KCNAB1: variants seen among roughly 807,000 people sequenced by gnomAD.
The protein encoded by KCNAB1 is potassium voltage-gated channel subfamily A regulatory beta subunit 1.
Under a neutral mutation model 64.6 loss-of-function variants are expected in KCNAB1, and 35 were observed. The observed-to-expected ratio is 0.54, with a 90% CI of 0.41 to 0.72. KCNAB1 has a LOEUF of 0.72. Among genes scored for constraint, KCNAB1 ranks in the 30% least tolerant of loss-of-function variants. The pLI is 0.00. For missense variants in KCNAB1, 401 were observed against 512.9 expected (o/e 0.78, Z 2.11); for synonymous variants, 177 against 183.8 (o/e 0.96, Z 0.30).
chr3:156,390,084 C>T (rs1712918494), intron 1 of KCNAB1, among the ~76,000 whole-genome samples: 1 of 152,208 alleles, frequency 6.6e-6, no homozygotes, highest in Admixed American at 6.5e-5. Flanking sequence ...ACAATAATAA[C>T]ACAAGGGGGA....
intron 1 of KCNAB1, among the ~76,000 whole-genome samples, chr3:156,317,544 G>T (rs969391480): frequency 6.6e-6 from 1 of 151,796 alleles, no homozygotes; most frequent in Non-Finnish European, 1.5e-5. Context: ...TTGATGTTTT[G>T]TCTTCCTTCT....
intron 1 of KCNAB1, among the ~76,000 whole-genome samples, chr3:156,184,962 C>A (rs772730882): frequency 2.6e-5 from 4 of 152,130 alleles, no homozygotes; most frequent in Non-Finnish European, 4.4e-5. Flanking sequence ...AATTCTCATG[C>A]ATATTATTTA....
At chr3:156,234,608 A>G (rs1489932509) in intron 1 of KCNAB1, among the ~76,000 whole-genome samples, 1 of 152,120 alleles carries the variant, frequency 6.6e-6, no homozygotes, top group African/African-American at 2.4e-5. Context: ...TTGAAGATGG[A>G]AGACAAGGTG....
intron 1 of KCNAB1, among the ~76,000 whole-genome samples, chr3:156,173,063 A>AC (rs1313564656): frequency 4.6e-5 from 7 of 152,364 alleles, no homozygotes; most frequent in African/African-American, 1.7e-4. Flanking sequence ...AAGTGTTTAG[A>AC]AAAGGCTTCT....
chr3:156,276,066 TTGAAAG>T (rs1376540598), intron 1 of KCNAB1, among the ~76,000 whole-genome samples: 7 of 152,176 alleles, frequency 4.6e-5, no homozygotes, highest in Admixed American at 4.6e-4. Context: ...ATAATAAGAC[TTGAAAG>T]TGAAAATTAC....
At chr3:156,328,373 AC>A (rs1217575289) in intron 1 of KCNAB1, among the ~76,000 whole-genome samples, 1 of 152,080 alleles carries the variant, frequency 6.6e-6, no homozygotes, top group Non-Finnish European at 1.5e-5. Context: ...TTCTGGGAAA[AC>A]TACAATGAGA....
chr3:156,410,914 C>G (rs6801464), intron 1 of KCNAB1, among the ~76,000 whole-genome samples: 49,800 of 152,022 alleles, frequency 0.33, 11,747 homozygotes, highest in African/African-American at 0.67. Flanking sequence ...TTTATATACA[C>G]TTTTTTGTGT....
chr3:156,199,682 C>T (rs1465569120), intron 1 of KCNAB1, among the ~76,000 whole-genome samples: 1 of 152,178 alleles, frequency 6.6e-6, no homozygotes, highest in Non-Finnish European at 1.5e-5. Flanking sequence ...CATTTATGTT[C>T]TTTTCTAAAC....
intron 1 of KCNAB1, among the ~76,000 whole-genome samples, chr3:156,307,837 G>A (rs561556770): frequency 6.6e-6 from 1 of 152,214 alleles, no homozygotes; most frequent in Non-Finnish European, 1.5e-5. Context: ...TATAGTCTCT[G>A]AGCATGATGC....
At chr3:156,394,461 C>G (rs1713276578) in intron 1 of KCNAB1, among the ~76,000 whole-genome samples, 1 of 152,180 alleles carries the variant, frequency 6.6e-6, no homozygotes, top group Non-Finnish European at 1.5e-5. Flanking sequence ...AATGTTGACT[C>G]TGGGCAGAGG....
rs1715434803 is a variant in KCNAB1, at chr3:156,421,047, G to A, written c.276-569G>A. On this transcript the variant is annotated intron_variant, in intron 1 of 13. Coordinates refer to ENST00000490337, the MANE Select transcript of KCNAB1 (RefSeq NM_172160.3). ...TATAGTTAAAATAACCTAAAAGATA[G>A]TTTTATATTTGTTATTTTAATAATT... is the stretch of plus-strand genomic sequence containing the variant. Among the ~76,000 whole-genome samples, 4 of 150,322 alleles carry A rather than the reference G, an allele frequency of 2.7e-5. No homozygotes were observed. In the South Asian group the frequency reaches 6.3e-4, roughly 23 times the overall value.
At chr3:156,427,109 G>C (rs964206096) in intron 2 of KCNAB1, among the ~76,000 whole-genome samples, 1 of 152,144 alleles carries the variant, frequency 6.6e-6, no homozygotes, top group Non-Finnish European at 1.5e-5. Context: ...CAGAATAGGA[G>C]GTCTTCCTGA....
Position 156,143,569 on chromosome 3 carries a change from GTTTTTTTTTTTTTT to G in KCNAB1, c.275+22698_275+22711del, listed in dbSNP as rs56216211. The G allele has an allele frequency of 1.7e-5, 5 of 297,048 alleles. 1 individual carries two copies. Among genetic ancestry groups the G allele is most frequent in the Admixed American group, 9.3e-5 (2 of 21,608 alleles). The allele number at this position is 297,048 out of a possible 1,614,324, so 18.4% of individuals were successfully genotyped here. On this transcript the variant is annotated intron_variant, in intron 1 of 13. Transcript: ENST00000490337. The stretch of plus-strand genomic sequence containing the variant: ...AGCCCTCTTCTTGGGTTGCATTCTT[GTTTTTTTTTTTTTT>G]TTTTTTTTTTTTTTAGCTTTAAGCG...
At chr3:156,270,082 A>AT (rs1227799274) in intron 1 of KCNAB1, among the ~76,000 whole-genome samples, 2 of 151,756 alleles carry the variant, frequency 1.3e-5, no homozygotes. Flanking sequence ...CGCCCAGCTA[A>AT]TTTTTTGTAT....
chr3:156,133,465 C>T (rs1358480963), intron 1 of KCNAB1, among the ~76,000 whole-genome samples: 2 of 152,170 alleles, frequency 1.3e-5, no homozygotes, highest in African/African-American at 4.8e-5. Flanking sequence ...TAAGGACATT[C>T]TTTTATTACC....
intron 1 of KCNAB1, among the ~76,000 whole-genome samples, chr3:156,321,965 A>G (rs900770783): frequency 6.6e-6 from 1 of 152,238 alleles, no homozygotes; most frequent in African/African-American, 2.4e-5. Flanking sequence ...GGAAGGCTCC[A>G]CACTAGAAGC....
intron 11 of KCNAB1, among the ~76,000 whole-genome samples, chr3:156,522,897 A>T (rs1051129271): frequency 2.6e-5 from 4 of 152,298 alleles, no homozygotes; most frequent in African/African-American, 9.6e-5. Flanking sequence ...GATGATTTTT[A>T]ATTGTTTTCC....
Position 156,401,905 on chromosome 3 carries a change from G to A in KCNAB1, c.276-19711G>A, listed in dbSNP as rs185468163. On this transcript the variant is annotated intron_variant, in intron 1 of 13. Transcript: ENST00000490337. Reference sequence around the variant, plus strand: ...TTTTACACTAGTAGTGTTTGGAGAAGCAAATTGTGGTTTGACTTTTTTAAA... The same window carrying A: ...TTTTACACTAGTAGTGTTTGGAGAAACAAATTGTGGTTTGACTTTTTTAAA... Among the ~76,000 whole-genome samples, 300 of 151,158 alleles carry A rather than the reference G, an allele frequency of 2.0e-3. No individual in the cohort carries two copies. In the Middle Eastern group the frequency reaches 0.02, roughly 10 times the overall value.
chr3:156,395,585 A>AAAAAAAAAAAAAT (rs1713399557), intron 1 of KCNAB1, among the ~76,000 whole-genome samples: 1 of 135,470 alleles, frequency 7.4e-6, no homozygotes, highest in Non-Finnish European at 1.6e-5. Context: ...AAAAAAAAAA[A>AAAAAAAAAAAAAT]TCAGACATTG....
Sources: gnomAD v4.1 joint callset for allele counts (sites outside exome capture counted in the v4.1 genomes callset) on GRCh38, gnomAD v4.1.1 for gene constraint, MANE v1.5 for transcripts, NCBI Gene and HGNC (gene_info 2026-07-23, HGNC 2026-07-21) for gene names.